COL6A5: variants seen among roughly 807,000 people sequenced by gnomAD.
COL6A5 encodes collagen type VI alpha 5 chain, also known as collagen alpha-5(VI) chain.
A neutral mutation model predicts 65.6 loss-of-function variants in COL6A5; 48 were observed. That is an observed-to-expected ratio of 0.73 (90% CI 0.58 to 0.93). The LOEUF is 0.93. Among genes scored for constraint, COL6A5 ranks in the 40% least tolerant of loss-of-function variants. The probability of loss-of-function intolerance (pLI) is 0.00; values close to 1 mark genes in which losing one functional copy is unlikely to be tolerated. For missense variants in COL6A5, 914 were observed against 928.3 expected (o/e 0.98, Z 0.20); for synonymous variants, 291 against 322.8 (o/e 0.90, Z 1.05).
chr3:130,476,851 A>G (rs1370366990), intron 7 of COL6A5: 1 of 671,842 alleles, frequency 1.5e-6, no homozygotes, highest in Admixed American at 2.0e-5. Context: ...ACATCTAGAA[A>G]TAAATGATGT....
intron 19 of COL6A5, 60 bp from the exon 20 acceptor site, chr3:130,410,411 C>A: frequency 8.2e-7 from 1 of 1,222,770 alleles, no homozygotes; most frequent in Non-Finnish European, 1.2e-6. Context: ...GATGCTGATG[C>A]CTTTGTGATT....
upstream of COL6A5, chr3:130,431,385 C>T: frequency 1.4e-6 from 2 of 1,474,898 alleles, no homozygotes; most frequent in Non-Finnish European, 1.8e-6. Flanking sequence ...TGTATGAACC[C>T]ACTTCATTGG....
chr3:130,414,970 T>C (rs894333356), intron 22 of COL6A5, among the ~76,000 whole-genome samples: 1 of 151,986 alleles, frequency 6.6e-6, no homozygotes, highest in African/African-American at 2.4e-5. Flanking sequence ...ATTCCCAGGC[T>C]TTGGGGTGGA....
intron 25 of COL6A5, among the ~76,000 whole-genome samples, chr3:130,420,189 A>C (rs1937486277): frequency 1.3e-5 from 2 of 152,044 alleles, no homozygotes; most frequent in Admixed American, 1.3e-4. Context: ...GAAGAGAGAG[A>C]AGGAAAGAAA....
At chr3:130,365,432 T>C (rs899216980) in intron 1 of COL6A5, among the ~76,000 whole-genome samples, 1 of 152,118 alleles carries the variant, frequency 6.6e-6, no homozygotes, top group Non-Finnish European at 1.5e-5. Context: ...CGCCCGCTAC[T>C]ACGCCCGGCT....
exon 6 of COL6A5, chr3:130,388,678 C>A (rs1213238097): frequency 6.4e-7 from 1 of 1,550,914 alleles, no homozygotes; most frequent in African/African-American, 1.4e-5. Flanking sequence ...CATGAAAAAC[C>A]TGTTAACTAA....
At chr3:130,451,499 G>A (rs1047070443) in intron 4 of COL6A5, among the ~76,000 whole-genome samples, 4 of 152,050 alleles carry the variant, frequency 2.6e-5, no homozygotes, top group Admixed American at 6.6e-5. Context: ...ACGACAGAAG[G>A]GTGAGGAGCT....
chr3:130,424,541 G>T (rs143333868), intron 29 of COL6A5, among the ~76,000 whole-genome samples: 1 of 152,166 alleles, frequency 6.6e-6, no homozygotes, highest in Non-Finnish European at 1.5e-5. Context: ...TGTGTTTTGT[G>T]GTGGAGACCC....
chr3:130,406,425 C>T (rs1237655275), intron 17 of COL6A5, 104 bp downstream of exon 17: 4 of 864,114 alleles, frequency 4.6e-6, no homozygotes, highest in African/African-American at 3.4e-5. Flanking sequence ...TTACAACTGA[C>T]TTAACCACAT....
chr3:130,398,075 A>T, exon 10 of COL6A5: 1 of 1,550,000 alleles, frequency 6.5e-7, no homozygotes, highest in Non-Finnish European at 8.7e-7. Flanking sequence ...AAGCAACATA[A>T]TGCTTGAAAA....
intron 1 of COL6A5, among the ~76,000 whole-genome samples, chr3:130,355,956 C>G (rs941725518): frequency 6.6e-6 from 1 of 152,074 alleles, no homozygotes; most frequent in African/African-American, 2.4e-5. Flanking sequence ...CAAGAGGAAG[C>G]AGGGTTTATG....
chr3:130,391,087 C>T, intron 6 of COL6A5, 92 bp from the exon 7 acceptor site: 1 of 849,010 alleles, frequency 1.2e-6, no homozygotes. Flanking sequence ...ACATAGTAGG[C>T]TCATGGCAAA....
At chr3:130,484,646 T>C (rs1034413762) in exon 8 of COL6A5, 1 of 398,934 alleles carries the variant, frequency 2.5e-6, no homozygotes, top group Non-Finnish European at 4.4e-6. Context: ...AAGAAAAAAG[T>C]GATAAGAGGC....
At chr3:130,460,627 G>A (rs1036487973) in intron 5 of COL6A5, among the ~76,000 whole-genome samples, 11 of 152,094 alleles carry the variant, frequency 7.2e-5, no homozygotes, top group Admixed American at 3.3e-4. Flanking sequence ...TGGTGATGGT[G>A]ATGGAGGCGG....
In COL6A5 at chr3:130,349,188, T is replaced by C. The variant is rs570494359; in HGVS notation, c.-29+3207T>C. Among the ~76,000 whole-genome samples, 263 of 152,340 alleles carry C rather than the reference T, an allele frequency of 1.7e-3. 1 individual carries two copies. The highest frequency in any genetic ancestry group is 2.6e-3 in the Non-Finnish European group (174 of 68,026). On this transcript the variant is annotated intron_variant and NMD_transcript_variant, in intron 1 of 41. Coordinates refer to the COL6A5 transcript ENST00000312481. ...GTCCCAGGTGACACCTCAAACGTTC[T>C]CTCTCAAGATGAAATAAGTCACTTC...
chr3:130,393,319 A>G (rs997635086), intron 7 of COL6A5, among the ~76,000 whole-genome samples: 2 of 152,074 alleles, frequency 1.3e-5, no homozygotes, highest in East Asian at 3.9e-4. Flanking sequence ...CTTTTCTGTC[A>G]AATTTCAGTC....
At chr3:130,406,378 T>C (rs1329107814) in intron 17 of COL6A5, 57 bp downstream of exon 17, 1 of 1,336,830 alleles carries the variant, frequency 7.5e-7, no homozygotes, top group Non-Finnish European at 1.0e-6. Context: ...AGAGACAGTC[T>C]TAACTGCTGT....
chr3:130,462,154 T>C (rs555672754), intron 5 of COL6A5, among the ~76,000 whole-genome samples: 33 of 152,228 alleles, frequency 2.2e-4, no homozygotes, highest in African/African-American at 7.2e-4. Flanking sequence ...ATAAAATCGA[T>C]GACATCCATC....
chr3:130,442,959 A>G (rs1709219034), intron 3 of COL6A5, among the ~76,000 whole-genome samples: 1 of 152,184 alleles, frequency 6.6e-6, no homozygotes, highest in Admixed American at 6.5e-5. Context: ...AAATTTATAG[A>G]ACAACATCAG....
Sources: allele counts gnomAD v4.1 joint callset (sites outside exome capture counted in the v4.1 genomes callset), GRCh38; gene constraint gnomAD v4.1.1; transcripts MANE v1.5; gene names NCBI Gene and HGNC (gene_info 2026-07-23, HGNC 2026-07-21).